Variants in TIAM2 observed in about 807,000 individuals in gnomAD.
TIAM2 encodes rho guanine nucleotide exchange factor TIAM2.
In TIAM2, 80 loss-of-function variants were observed where a neutral mutation model predicts 152.9. The observed-to-expected ratio is 0.52, with a 90% CI of 0.44 to 0.63. The LOEUF (loss-of-function observed/expected upper bound fraction) is 0.63. TIAM2 is among the 30% of genes least tolerant of loss of function. TIAM2 has a pLI of 0.00. For missense variants in TIAM2, 1,965 were observed against 2,120.1 expected, an observed-to-expected ratio of 0.93 and a Z score of 1.44; for synonymous variants, 804 against 838.0, an observed-to-expected ratio of 0.96 and a Z score of 0.70.
chr6:155,207,750 G>A (rs1437776580), intron 14 of TIAM2, among the ~76,000 whole-genome samples: 1 of 152,192 alleles, frequency 6.6e-6, no homozygotes, highest in Non-Finnish European at 1.5e-5. Flanking sequence ...TGACAGGAAG[G>A]GGTCAGTATT....
At chr6:155,240,430 C>T (rs11751085) in intron 15 of TIAM2, 100 bp from the exon 16 acceptor site, 590,583 of 1,293,040 alleles carry the variant, frequency 0.46, 142,676 homozygotes, top group Middle Eastern at 0.56. Context: ...CCTCTGAGAT[C>T]CCTGCTGAGC....
intron 1 of TIAM2, among the ~76,000 whole-genome samples, chr6:155,053,602 C>G (rs1777372928): frequency 6.6e-6 from 1 of 151,828 alleles, no homozygotes; most frequent in Non-Finnish European, 1.5e-5. Context: ...TCCCGAGTAG[C>G]TGGGATTGCA....
chr6:155,059,542 C>T (rs1777530423), intron 1 of TIAM2, among the ~76,000 whole-genome samples: 1 of 152,090 alleles, frequency 6.6e-6, no homozygotes, highest in South Asian at 2.1e-4. Flanking sequence ...TCTTGAACTC[C>T]TGACCTCAGG....
intron 1 of TIAM2, among the ~76,000 whole-genome samples, chr6:155,057,639 A>G (rs936415674): frequency 1.5e-5 from 2 of 136,618 alleles, no homozygotes; most frequent in East Asian, 2.1e-4. Context: ...TCTGCTTCCC[A>G]GGTTCAAGTG....
intron 3 of TIAM2, among the ~76,000 whole-genome samples, chr6:155,127,970 C>G (rs921474528): frequency 6.6e-6 from 1 of 152,060 alleles, no homozygotes; most frequent in African/African-American, 2.4e-5. Context: ...GGTTTGAAAC[C>G]AGCCTGGGCA....
rs780694977 is a variant in TIAM2, at chr6:155,243,362, C to T, written c.3349-649C>T. ...GCACCTGACACCAGTGCCACCCAGA[C>T]GCCCTTCCTCTGCAGGGAAGTGAGT... is the stretch of plus-strand genomic sequence containing the variant. On this transcript the variant is annotated intron_variant, in intron 16 of 26. Coordinates refer to ENST00000682666, the MANE Select transcript of TIAM2 (RefSeq NM_012454.4). Among the ~76,000 whole-genome samples, 94 of 152,310 alleles carry T rather than the reference C, an allele frequency of 6.2e-4. 2 individuals carry two copies. The highest frequency in any genetic ancestry group is 4.0e-4 in the Non-Finnish European group (27 of 68,032).
At chr6:155,175,272 CAG>C (rs1246595230) in intron 9 of TIAM2, among the ~76,000 whole-genome samples, 1 of 152,344 alleles carries the variant, frequency 6.6e-6, no homozygotes, top group Non-Finnish European at 1.5e-5. Flanking sequence ...AAAGATGGCA[CAG>C]AGAGACAGAT....
intron 23 of TIAM2, 55 bp from the exon 24 acceptor site, chr6:155,252,893 C>A: frequency 6.7e-7 from 1 of 1,484,830 alleles, no homozygotes; most frequent in Non-Finnish European, 9.4e-7. Flanking sequence ...GTGCACACAT[C>A]CTCCCTCAGT....
intron 5 of TIAM2, among the ~76,000 whole-genome samples, chr6:155,141,370 C>T (rs1779700219): frequency 6.8e-6 from 1 of 147,946 alleles, no homozygotes; most frequent in South Asian, 2.2e-4. Flanking sequence ...TTGGTTTAAT[C>T]TTAGTTAAAA....
chr6:155,143,981 GCTACT>G (rs1392295938), intron 5 of TIAM2, among the ~76,000 whole-genome samples: 5 of 152,152 alleles, frequency 3.3e-5, no homozygotes, highest in African/African-American at 1.2e-4. Context: ...CAGGTAGCTA[GCTACT>G]CTGTGTTCAC....
At chr6:155,157,893 C>A (rs947784551) in intron 7 of TIAM2, among the ~76,000 whole-genome samples, 4 of 152,146 alleles carry the variant, frequency 2.6e-5, no homozygotes, top group African/African-American at 9.7e-5. Context: ...ATGGGAATTA[C>A]ATTGATTATA....
intron 1 of TIAM2, among the ~76,000 whole-genome samples, chr6:155,015,440 G>A (rs370660496): frequency 4.7e-4 from 71 of 152,200 alleles, no homozygotes; most frequent in African/African-American, 1.6e-3. Context: ...CTCTTAGAGG[G>A]GATGACTGAA....
intron 14 of TIAM2, among the ~76,000 whole-genome samples, chr6:155,205,966 T>C (rs1046536178): frequency 6.6e-6 from 1 of 152,226 alleles, no homozygotes; most frequent in Non-Finnish European, 1.5e-5. Flanking sequence ...CAATATTTCC[T>C]GATATTTCTG....
intron 1 of TIAM2, among the ~76,000 whole-genome samples, chr6:155,017,506 CTT>C (rs35552958): frequency 1.8e-4 from 23 of 129,012 alleles, no homozygotes; most frequent in African/African-American, 5.3e-4. Flanking sequence ...TCCATTTTGT[CTT>C]TTTTTTTTTT....
At chr6:155,161,527 C>G (rs1435482355) in intron 7 of TIAM2, among the ~76,000 whole-genome samples, 1 of 151,936 alleles carries the variant, frequency 6.6e-6, no homozygotes, top group African/African-American at 2.4e-5. Context: ...CTTCCCCAAC[C>G]TGTGGTGATT....
intron 15 of TIAM2, among the ~76,000 whole-genome samples, chr6:155,230,275 C>T (rs965158669): frequency 3.9e-5 from 6 of 152,346 alleles, no homozygotes; most frequent in Middle Eastern, 3.4e-3. Context: ...GTTCCTAACT[C>T]GCACCTGCCA....
Position 155,174,871 on chromosome 6 carries a change from T to C in TIAM2, c.2362-1945T>C, listed in dbSNP as rs1329482025. 6.6e-6 allele frequency among the ~76,000 whole-genome samples: 1 copy of C among 152,230 alleles called. No homozygotes were observed. Among genetic ancestry groups the C allele is most frequent in the East Asian group, 1.9e-4 (1 of 5,196 alleles). Reference sequence around the variant, plus strand: ...GTGACTTCCTCCGGGCCTTGTTCTTTGTGATGTTTCTTACTCCACAGTGAC... The same window carrying C: ...GTGACTTCCTCCGGGCCTTGTTCTTCGTGATGTTTCTTACTCCACAGTGAC... On this transcript the variant is annotated intron_variant, in intron 9 of 26. Transcript: ENST00000682666. This position sits in a 1 kb window ranked among gnomAD's most constrained non-coding sequence, Gnocchi z 4.2.
At chr6:155,255,716 T>C (rs2115372838) in intron 26 of TIAM2, 1 of 152,388 alleles carries the variant, frequency 6.6e-6, no homozygotes, top group South Asian at 2.1e-4. Context: ...GAGCATTTTC[T>C]AGGCTGGGCA....
intron 1 of TIAM2, among the ~76,000 whole-genome samples, chr6:155,078,960 C>A (rs1463424249): frequency 6.6e-6 from 1 of 152,040 alleles, no homozygotes; most frequent in Admixed American, 6.6e-5. Context: ...GTTTCAGATA[C>A]ATTTAATGGA....
Sources: allele counts gnomAD v4.1 joint callset (sites outside exome capture counted in the v4.1 genomes callset), GRCh38; gene constraint gnomAD v4.1.1; non-coding constraint Gnocchi (gnomAD v3.1); transcripts MANE v1.5; gene names NCBI Gene and HGNC (gene_info 2026-07-23, HGNC 2026-07-21).